CEBPB: variants seen among roughly 807,000 people sequenced by gnomAD.
The protein encoded by CEBPB is CCAAT enhancer binding protein beta, also known as CCAAT/enhancer-binding protein beta.
For synonymous variants in CEBPB, 295 were observed against 267.1 expected (o/e 1.10, Z -1.02); for missense variants, 498 against 533.1 (o/e 0.93, Z 0.65).
rs763493442 is a variant in CEBPB at position 50,191,833 on chromosome 20, T to C, written c.800T>C (p.Val267Ala). ...GTCAAGAGCAAGGCCAAGAAGACCG[T>C]GGACAAGCACAGCGACGAGTACAAG... Reference protein sequence around the residue: ...SQVKSKAKKTVDKHSDEYKIR... With the variant: ...SQVKSKAKKTADKHSDEYKIR... Residue 267 changes from valine (V) to alanine (A), a missense_variant, in exon 1 of 1, where the codon GTG (valine) becomes GCG (alanine). Val to Ala is a moderately conservative substitution (Grantham distance 64, BLOSUM62 0). Transcript: ENST00000303004. The C allele has an allele frequency of 5.6e-6, 9 of 1,598,730 alleles. No individual in the cohort carries two copies. The highest frequency in any genetic ancestry group is 6.8e-6 in the Non-Finnish European group (8 of 1,173,394).
Sources: allele counts gnomAD v4.1 joint callset, GRCh38; gene constraint gnomAD v4.1.1; transcripts MANE v1.5; gene names NCBI Gene and HGNC (gene_info 2026-07-23, HGNC 2026-07-21).